CDKL4: variants seen among roughly 807,000 people sequenced by gnomAD.
CDKL4 encodes cyclin-dependent kinase-like 4.
In CDKL4, 44 loss-of-function variants were observed where a neutral mutation model predicts 42.0. That is an observed-to-expected ratio of 1.05 (90% CI 0.82 to 1.35). The LOEUF is 1.35. Ranked by LOEUF, CDKL4 falls within the 40% of genes most tolerant of loss-of-function variation. The pLI is 0.00. For missense variants in CDKL4, 393 were observed against 369.9 expected (o/e 1.06, Z -0.51); for synonymous variants, 120 against 121.6 (o/e 0.99, Z 0.09).
chr2:39,170,214 GT>G, the CDKL4 span, among the ~76,000 whole-genome samples: 3 of 138,338 alleles, frequency 2.2e-5, no homozygotes, highest in South Asian at 2.4e-4. Flanking sequence ...CAAGAATGAA[GT>G]TGTTAATTTT....
At chr2:39,209,423 G>A (rs932631053) in intron 4 of CDKL4, among the ~76,000 whole-genome samples, 6 of 152,030 alleles carry the variant, frequency 3.9e-5, no homozygotes, top group Non-Finnish European at 7.4e-5. Context: ...GCGTTAAATG[G>A]ACCACTTTGG....
chr2:39,178,065 AT>A lies in CDKL4; in HGVS notation c.927+1121del, dbSNP rs1249542717. 2.6e-5 allele frequency among the ~76,000 whole-genome samples: 4 copies of A among 152,192 alleles called. No homozygotes were observed. The South Asian group carries it at 6.2e-4, about 24-fold the overall frequency. On this transcript the variant is annotated intron_variant, in intron 9 of 9. Transcript: ENST00000451199. ...CAGATTGCTGCCTCAGCGATCTTTA[AT>A]TTTTTTTGTTGTTATTTAAGTATAA...
intron 1 of CDKL4, among the ~76,000 whole-genome samples, chr2:39,233,271 A>G (rs756541816): frequency 6.6e-6 from 1 of 151,978 alleles, no homozygotes; most frequent in Non-Finnish European, 1.5e-5. Context: ...GTGTAAAAAT[A>G]CCCTAAGTGT....
intron 5 of CDKL4, among the ~76,000 whole-genome samples, chr2:39,196,109 T>G (rs919676807): frequency 1.3e-5 from 2 of 152,202 alleles, no homozygotes; most frequent in African/African-American, 4.8e-5. Context: ...TGATCCACCC[T>G]ATGCTACCGC....
chr2:39,183,082 C>A (rs1045774598), intron 8 of CDKL4, among the ~76,000 whole-genome samples: 1 of 152,182 alleles, frequency 6.6e-6, no homozygotes, highest in Non-Finnish European at 1.5e-5. Context: ...GAGATGGAGA[C>A]CATCCTGGCC....
intron 1 of CDKL4, among the ~76,000 whole-genome samples, chr2:39,242,823 C>T (rs1405987635): frequency 3.3e-5 from 5 of 151,974 alleles, no homozygotes; most frequent in African/African-American, 9.7e-5. Flanking sequence ...GATGGCCGGG[C>T]GTGGTGGCTC....
chr2:39,168,513 A>C, the CDKL4 span, among the ~76,000 whole-genome samples: 1 of 152,094 alleles, frequency 6.6e-6, no homozygotes, highest in African/African-American at 2.4e-5. Context: ...AGGCGGGTGG[A>C]TCACCCAAGG....
At chr2:39,221,267 G>C (rs1277229621) in intron 3 of CDKL4, among the ~76,000 whole-genome samples, 10 of 151,536 alleles carry the variant, frequency 6.6e-5, no homozygotes. Flanking sequence ...CAGCCACCTC[G>C]GCCTCCCAAA....
intron 4 of CDKL4, among the ~76,000 whole-genome samples, chr2:39,204,885 A>T (rs1308181955): frequency 6.6e-6 from 1 of 151,698 alleles, no homozygotes; most frequent in African/African-American, 2.4e-5. Context: ...TTTTTTAAAG[A>T]AGGGATTTTC....
chr2:39,232,881 T>TA (rs1347117417), intron 1 of CDKL4, among the ~76,000 whole-genome samples: 2 of 150,972 alleles, frequency 1.3e-5, no homozygotes, highest in Non-Finnish European at 3.0e-5. Flanking sequence ...CCATCTCTAC[T>TA]AAAAATACAA....
At chr2:39,207,862 G>A (rs1182356449) in intron 4 of CDKL4, among the ~76,000 whole-genome samples, 2 of 152,184 alleles carry the variant, frequency 1.3e-5, no homozygotes, top group South Asian at 4.1e-4. Flanking sequence ...AGCACTTTGG[G>A]AGGCTTAGGC....
downstream of CDKL4, among the ~76,000 whole-genome samples, chr2:39,175,296 G>A (rs967520636): frequency 6.6e-6 from 1 of 152,164 alleles, no homozygotes; most frequent in Admixed American, 6.6e-5. Context: ...TATAGCAAAG[G>A]ACAGCAGTCA....
intron 1 of CDKL4, among the ~76,000 whole-genome samples, chr2:39,230,305 T>A (rs181771037): frequency 6.6e-6 from 1 of 152,350 alleles, no homozygotes; most frequent in East Asian, 1.9e-4. Context: ...GATTGTGCCA[T>A]TGCACTCCAG....
chr2:39,187,313 C>T (rs1675880697), intron 7 of CDKL4, among the ~76,000 whole-genome samples: 1 of 152,288 alleles, frequency 6.6e-6, no homozygotes, highest in South Asian at 2.1e-4. Context: ...AAGTTCTTTA[C>T]AGCAGTGTGA....
At chr2:39,218,552 TGGAAGGGATTC>T (rs1678092008) in intron 3 of CDKL4, among the ~76,000 whole-genome samples, 1 of 152,156 alleles carries the variant, frequency 6.6e-6, no homozygotes, top group Non-Finnish European at 1.5e-5. Flanking sequence ...AGGGTGTTTC[TGGAAGGGATTC>T]ACATTTGAAT....
intron 9 of CDKL4, among the ~76,000 whole-genome samples, chr2:39,177,491 G>A (rs1269859506): frequency 6.2e-5 from 9 of 145,798 alleles, no homozygotes; most frequent in Non-Finnish European, 1.3e-4. Context: ...TGCAACCTCC[G>A]CCTCCAGGGT....
At chr2:39,182,800 C>T (rs953791735) in intron 8 of CDKL4, among the ~76,000 whole-genome samples, 1 of 152,188 alleles carries the variant, frequency 6.6e-6, no homozygotes, top group African/African-American at 2.4e-5. Flanking sequence ...AGATTGTGCT[C>T]ATGGTCTCAT....
chr2:39,210,649 T>TA (rs1677533545), intron 4 of CDKL4, among the ~76,000 whole-genome samples: 1 of 152,226 alleles, frequency 6.6e-6, no homozygotes, highest in Non-Finnish European at 1.5e-5. Flanking sequence ...TGTCTGGTTA[T>TA]ATAGGGATAA....
downstream of CDKL4, among the ~76,000 whole-genome samples, chr2:39,173,588 T>C (rs1481883316): frequency 6.6e-6 from 1 of 152,028 alleles, no homozygotes; most frequent in Non-Finnish European, 1.5e-5. Context: ...GATGGGCGGA[T>C]CACGAGGTCA....
Sources: allele counts gnomAD v4.1 joint callset (sites outside exome capture counted in the v4.1 genomes callset), GRCh38; gene constraint gnomAD v4.1.1; transcripts MANE v1.5; gene names NCBI Gene and HGNC (gene_info 2026-07-23, HGNC 2026-07-21).